SBF2: variants seen among roughly 807,000 people sequenced by gnomAD.
SBF2 encodes myotubularin-related protein 13.
A neutral mutation model predicts 225.2 loss-of-function variants in SBF2; 112 were observed. That is an observed-to-expected ratio of 0.50 (90% CI 0.43 to 0.58). The LOEUF (loss-of-function observed/expected upper bound fraction) is 0.58. Ranked by LOEUF, SBF2 falls within the 20% of genes least tolerant of loss-of-function variation. The probability of loss-of-function intolerance (pLI) is 0.00; values close to 1 mark genes in which losing one functional copy is unlikely to be tolerated. For missense variants in SBF2, 1,996 were observed against 2,206.2 expected (o/e 0.90, Z 1.91); for synonymous variants, 763 against 773.3 (o/e 0.99, Z 0.22).
intron 1 of SBF2, among the ~76,000 whole-genome samples, chr11:10,291,352 G>A (rs1369067252): frequency 6.6e-6 from 1 of 152,128 alleles, no homozygotes; most frequent in Non-Finnish European, 1.5e-5. Flanking sequence ...CTATGAGGAA[G>A]CATGTCCTCA....
chr11:10,099,533 A>G (rs1246747778), intron 2 of SBF2, among the ~76,000 whole-genome samples: 1 of 152,166 alleles, frequency 6.6e-6, no homozygotes, highest in Non-Finnish European at 1.5e-5. Context: ...CTAACTGGTA[A>G]AGGTAAGTAG....
Position 9,845,109 on chromosome 11 carries a change from A to C in SBF2, c.3110+456T>G, listed in dbSNP as rs546609959. Among the ~76,000 whole-genome samples the C allele has an allele frequency of 3.9e-4, 59 of 152,256 alleles. 1 individual carries two copies. The Middle Eastern group carries it at 0.01, about 26-fold the overall frequency. The stretch of plus-strand genomic sequence containing the variant: ...GAAACTACTGGTGAATCTGGGTAAA[A>C]TATATACAGAAATTCTTTGTTCTAC... On this transcript the variant is annotated intron_variant, in intron 24 of 39. Transcript: ENST00000256190.
chr11:10,008,330 C>T (rs1454153711), intron 6 of SBF2, among the ~76,000 whole-genome samples: 1 of 152,170 alleles, frequency 6.6e-6, no homozygotes, highest in Admixed American at 6.5e-5. Context: ...ATCAGAAGGG[C>T]AACTGGTCCT....
Position 9,795,880 on chromosome 11 carries a change from A to T in SBF2, c.4521T>A (p.Asn1507Lys). The T allele has an allele frequency of 6.2e-7, 1 of 1,613,842 alleles. No homozygotes were observed. Among genetic ancestry groups the T allele is most frequent in the Non-Finnish European group, 8.5e-7 (1 of 1,179,796 alleles). The change falls in exon 33 of 40, where the codon AAT becomes AAA. Residue 1507 changes from asparagine to lysine, a missense_variant. Asn to Lys is a moderately conservative substitution (Grantham distance 94). Coordinates refer to ENST00000256190, the MANE Select transcript of SBF2 (RefSeq NM_030962.4). ...LKFLAFHYVSNRFKTFLLDSD... is the reference protein window; with the variant it reads ...LKFLAFHYVSKRFKTFLLDSD... ...AATCCAGGAGAAATGTTTTAAAGCG[A>T]TTAGACACATAGTGGAAAGCCAAGA... is the stretch of plus-strand genomic sequence containing the variant.
intron 1 of SBF2, among the ~76,000 whole-genome samples, chr11:10,251,221 T>A (rs1960315480): frequency 6.6e-6 from 1 of 152,198 alleles, no homozygotes; most frequent in South Asian, 2.1e-4. Flanking sequence ...AAAACTCTCT[T>A]AACCCACATC....
intron 16 of SBF2, among the ~76,000 whole-genome samples, chr11:9,927,750 T>C (rs1268732896): frequency 6.6e-6 from 1 of 152,136 alleles, no homozygotes; most frequent in African/African-American, 2.4e-5. Flanking sequence ...GATTCCTCAG[T>C]ATCCTAGGAA....
chr11:10,056,699 G>T (rs180995951), intron 2 of SBF2, among the ~76,000 whole-genome samples: 1 of 152,206 alleles, frequency 6.6e-6, no homozygotes, highest in Non-Finnish European at 1.5e-5. Context: ...CCTCATCACT[G>T]AGCAGGACCT....
At chr11:10,203,875 C>T (rs1272411398) in intron 1 of SBF2, among the ~76,000 whole-genome samples, 1 of 151,880 alleles carries the variant, frequency 6.6e-6, no homozygotes, top group Non-Finnish European at 1.5e-5. Context: ...CAGAGCTGTG[C>T]AACAACTTCT....
In SBF2 at chr11:10,038,329, A is replaced by G. The variant is rs565243830; in HGVS notation, c.279+4515T>C. Among the ~76,000 whole-genome samples the G allele has an allele frequency of 1.1e-3, 168 of 152,160 alleles. 1 individual carries two copies. Among genetic ancestry groups the G allele is most frequent in the Non-Finnish European group, 2.1e-3 (144 of 67,884 alleles). On this transcript the variant is annotated intron_variant, in intron 3 of 39. Coordinates refer to ENST00000256190, the MANE Select transcript of SBF2 (RefSeq NM_030962.4). ...AGAATAAACTATATGTGAGTTAAAT[A>G]AAATAGAATGAAATAAAGTGTTGTA... is the stretch of plus-strand genomic sequence containing the variant.
intron 1 of SBF2, among the ~76,000 whole-genome samples, chr11:10,262,572 G>T: frequency 6.6e-6 from 1 of 152,132 alleles, no homozygotes; most frequent in Admixed American, 6.5e-5. Context: ...GCTCTCTGAT[G>T]CGAGGGTAGA....
At chr11:9,938,670 T>G (rs1026051749) in intron 16 of SBF2, among the ~76,000 whole-genome samples, 2 of 152,152 alleles carry the variant, frequency 1.3e-5, no homozygotes, top group African/African-American at 4.8e-5. Context: ...TTTAATAAAT[T>G]TTGCCAGAAT....
chr11:10,128,234 T>G (rs1591019300), intron 2 of SBF2, among the ~76,000 whole-genome samples: 2 of 152,340 alleles, frequency 1.3e-5, no homozygotes, highest in South Asian at 4.1e-4. Context: ...TCTTCCTAAC[T>G]ACACTACCTT....
In SBF2 at chr11:10,001,009, G is replaced by T. The variant is rs879253987; in HGVS notation, c.766C>A (p.Pro256Thr). ...FPLKYSYPYI[P>T]ILPAQLLEVL... The stretch of plus-strand genomic sequence containing the variant: ...TCCAGTAGCTGAGCCGGGAGAATAG[G>T]GATATAAGGATAACTGGAAATAATA... Residue 256 changes from proline (P) to threonine (T), a missense_variant, in exon 8 of 40, where the codon CCT becomes ACT. Transcript: ENST00000256190. 1 of 1,557,894 alleles carries T rather than the reference G, an allele frequency of 6.4e-7. No homozygotes were observed. Among genetic ancestry groups the T allele is most frequent in the Non-Finnish European group, 8.9e-7 (1 of 1,129,114 alleles).
chr11:9,877,016 G>C (rs1222935356), intron 17 of SBF2, among the ~76,000 whole-genome samples: 1 of 152,196 alleles, frequency 6.6e-6, no homozygotes, highest in Non-Finnish European at 1.5e-5. Context: ...TGGGATTACA[G>C]GCGTGAGCCA....
chr11:9,962,891 C>T (rs1043394330), intron 15 of SBF2, among the ~76,000 whole-genome samples: 1 of 152,098 alleles, frequency 6.6e-6, no homozygotes, highest in Admixed American at 6.6e-5. Context: ...GACTTCAACT[C>T]TAAGAAAACA....
At chr11:9,895,882 A>G (rs1475511417) in intron 17 of SBF2, 61 bp downstream of exon 17, 1 of 1,255,082 alleles carries the variant, frequency 8.0e-7, no homozygotes, top group Admixed American at 1.7e-5. Flanking sequence ...TCCATAATAA[A>G]TCAAACTGAA....
At chr11:9,938,272 C>T (rs879334619) in intron 16 of SBF2, among the ~76,000 whole-genome samples, 1 of 147,500 alleles carries the variant, frequency 6.8e-6, no homozygotes, top group Admixed American at 6.9e-5. Context: ...GCCTGGGCGA[C>T]ACAGCGAGAC....
At position 9,781,390 on chromosome 11, in the gene SBF2, G is replaced by A; in HGVS notation, c.5451+117C>T. Reference sequence around the variant, plus strand: ...GCTCTGGAACAATTCCCATAGCCAAGGGGGTCTGTCATCCATCTGTAGTCA... The same window carrying A: ...GCTCTGGAACAATTCCCATAGCCAAAGGGGTCTGTCATCCATCTGTAGTCA... On this transcript the variant is annotated intron_variant, in intron 39 of 39. Coordinates refer to ENST00000256190, the MANE Select transcript of SBF2 (RefSeq NM_030962.4). 3 of 1,334,916 alleles carry A rather than the reference G, an allele frequency of 2.2e-6. No homozygotes were observed. In the South Asian group the frequency reaches 3.5e-5, roughly 16 times the overall value. 82.7% of individuals were successfully genotyped at this position (1,334,916 alleles called of 1,614,324 possible). A position where few individuals can be genotyped will look rare whatever the true frequency, so the allele number is the denominator to read the frequency against.
chr11:10,228,378 G>T, intron 1 of SBF2, among the ~76,000 whole-genome samples: 1 of 152,192 alleles, frequency 6.6e-6, no homozygotes. Flanking sequence ...AGTGGTGAGA[G>T]AGGGCATCCC....
Sources: allele counts gnomAD v4.1 joint callset (sites outside exome capture counted in the v4.1 genomes callset), GRCh38; gene constraint gnomAD v4.1.1; transcripts MANE v1.5; gene names NCBI Gene and HGNC (gene_info 2026-07-23, HGNC 2026-07-21).